Variants in PLCB1 observed in about 807,000 individuals in gnomAD.
PLCB1 encodes phospholipase C beta 1, also known as 1-phosphatidylinositol 4,5-bisphosphate phosphodiesterase beta-1.
Under a neutral mutation model 161.8 loss-of-function variants are expected in PLCB1, and 46 were observed. The ratio of observed to expected loss-of-function variants is 0.28; its 90% CI spans 0.22 to 0.36. The LOEUF (loss-of-function observed/expected upper bound fraction) is 0.36. Among genes scored for constraint, PLCB1 ranks in the 10% least tolerant of loss-of-function variants. PLCB1 has a pLI of 1.00. For synonymous variants in PLCB1, 517 were observed against 503.7 expected, an observed-to-expected ratio of 1.03 and a Z score of -0.35; for missense variants, 1,016 against 1,472.5, an observed-to-expected ratio of 0.69 and a Z score of 5.07.
At chr20:8,167,099 G>A (rs564448398) in intron 2 of PLCB1, among the ~76,000 whole-genome samples, 2 of 152,184 alleles carry the variant, frequency 1.3e-5, no homozygotes, top group East Asian at 3.9e-4. Flanking sequence ...GTCTGATTTC[G>A]AGATATGGAT....
At chr20:8,632,035 C>CTTTTTTTTTTTTTTTTTTTTTTTTT (rs34028351) in intron 4 of PLCB1, among the ~76,000 whole-genome samples, 2 of 45,986 alleles carry the variant, frequency 4.3e-5, no homozygotes, top group Non-Finnish European at 7.4e-5. Context: ...GTTTTTTTTG[C>CTTTTTTTTTTTTTTTTTTTTTTTTT]TTTTTTTTTT....
chr20:8,881,826 A>T lies in PLCB1; in HGVS notation c.3628A>T (p.Lys1210Ter). 6.2e-7 allele frequency: 1 copy of T among 1,613,434 alleles called. No homozygotes were observed. Residue 1210 changes from lysine to a stop codon, truncating the protein, a stop_gained, in exon 32 of 32, where the codon AAA becomes TAA. Transcript: ENST00000338037. LOFTEE classifies it high-confidence loss of function. ...GGAGCTGGGAGGAGACATCCCAGGAAAAGAATTTGATACTCCTCTGTGAAT... is the reference window on the plus strand; with the variant it reads ...GGAGCTGGGAGGAGACATCCCAGGATAAGAATTTGATACTCCTCTGTGAAT... Reference protein sequence around the residue: ...SEELGGDIPGKEFDTPL With the variant: ...SEELGGDIPG
intron 3 of PLCB1, among the ~76,000 whole-genome samples, chr20:8,616,941 A>G (rs1988054949): frequency 6.6e-6 from 1 of 152,208 alleles, no homozygotes; most frequent in Non-Finnish European, 1.5e-5. Flanking sequence ...ATTCTTGGGG[A>G]ATACTCAGAG....
In PLCB1 at chr20:8,503,646, G is replaced by A. The variant is rs938748246; in HGVS notation, c.247-124648G>A. On this transcript the variant is annotated intron_variant, in intron 3 of 31. Coordinates refer to ENST00000338037, the MANE Select transcript of PLCB1 (RefSeq NM_015192.4). ...GTGATATATTTGTATTTCTTGTACAGTCTTCTACAAATCTCTGAAATTAGA... is the reference window on the plus strand; with the variant it reads ...GTGATATATTTGTATTTCTTGTACAATCTTCTACAAATCTCTGAAATTAGA... Among the ~76,000 whole-genome samples, 13 of 152,142 alleles carry A rather than the reference G, an allele frequency of 8.5e-5. 1 individual carries two copies. The South Asian group carries it at 1.9e-3, about 22-fold the overall frequency.
chr20:8,639,455 C>T (rs896827638), intron 4 of PLCB1, among the ~76,000 whole-genome samples: 1 of 152,184 alleles, frequency 6.6e-6, no homozygotes, highest in African/African-American at 2.4e-5. Flanking sequence ...CTATGATTCT[C>T]GTGGCCTTTT....
intron 9 of PLCB1, among the ~76,000 whole-genome samples, chr20:8,672,970 A>G (rs1288585225): frequency 6.6e-6 from 1 of 151,910 alleles, no homozygotes; most frequent in Non-Finnish European, 1.5e-5. Flanking sequence ...AAATTAGCCT[A>G]GCATGGTGAT....
intron 29 of PLCB1, 128 bp downstream of exon 29, chr20:8,788,850 A>G: frequency 1.6e-6 from 1 of 640,874 alleles, no homozygotes. Flanking sequence ...CAGCCTTTCA[A>G]AAGATTCTTT....
At position 8,646,152 on chromosome 20, in the gene PLCB1, C is replaced by T. The variant is rs753999572; in HGVS notation, c.435C>T (p.Asn145=). The change falls in exon 5 of 32, where the codon AAC becomes AAT. Residue 145 remains asparagine, a synonymous_variant. Coordinates refer to ENST00000338037, the MANE Select transcript of PLCB1 (RefSeq NM_015192.4). ...TGGCAACAAACCTGCTGGCCCAAAA[C>T]ATGTCCAGGGATGCATTTCTGGAAA... The part of the protein sequence containing the change: ...FSLATNLLAQ[N]MSRDAFLEKA... 1.2e-6 allele frequency: 2 copies of T among 1,613,360 alleles called. No individual in the cohort carries two copies. Among genetic ancestry groups the T allele is most frequent in the Admixed American group, 3.3e-5 (2 of 60,028 alleles).
At chr20:8,392,703 G>A (rs1987645329) in intron 3 of PLCB1, among the ~76,000 whole-genome samples, 1 of 152,194 alleles carries the variant, frequency 6.6e-6, no homozygotes, top group Non-Finnish European at 1.5e-5. Flanking sequence ...GTTGGGTAGA[G>A]TGGAAGGAAC....
At chr20:8,267,071 C>T (rs1406144993) in intron 2 of PLCB1, among the ~76,000 whole-genome samples, 1 of 151,618 alleles carries the variant, frequency 6.6e-6, no homozygotes, top group Non-Finnish European at 1.5e-5. Flanking sequence ...AGAATGGGTA[C>T]ATCTGGGATG....
At chr20:8,564,714 A>C (rs1986263773) in intron 3 of PLCB1, among the ~76,000 whole-genome samples, 1 of 152,182 alleles carries the variant, frequency 6.6e-6, no homozygotes. Context: ...ACATTTATGC[A>C]GCCAACATAC....
At chr20:8,526,036 G>A (rs1398924987) in intron 3 of PLCB1, among the ~76,000 whole-genome samples, 8 of 152,044 alleles carry the variant, frequency 5.3e-5, no homozygotes, top group African/African-American at 1.7e-4. Flanking sequence ...AACCAGGATA[G>A]GGCATATGAG....
intron 2 of PLCB1, among the ~76,000 whole-genome samples, chr20:8,283,440 A>G (rs1982971355): frequency 6.6e-6 from 1 of 151,764 alleles, no homozygotes; most frequent in South Asian, 2.1e-4. Flanking sequence ...AAAAAGAATT[A>G]TACTATATAT....
chr20:8,201,917 G>A (rs2052095115), intron 2 of PLCB1, among the ~76,000 whole-genome samples: 1 of 152,166 alleles, frequency 6.6e-6, no homozygotes, highest in Non-Finnish European at 1.5e-5. Context: ...TAGAGTTATT[G>A]CCTGTGTTGG....
intron 15 of PLCB1, among the ~76,000 whole-genome samples, chr20:8,723,787 T>C (rs1979776526): frequency 1.3e-5 from 2 of 152,106 alleles, no homozygotes; most frequent in Admixed American, 6.6e-5. Context: ...AGGCTGGCTC[T>C]AGAACGCGAG....
intron 3 of PLCB1, among the ~76,000 whole-genome samples, chr20:8,386,369 T>TACAGCTGC (rs1987426666): frequency 6.6e-6 from 1 of 152,212 alleles, no homozygotes; most frequent in East Asian, 1.9e-4. Flanking sequence ...AATCTCCTTG[T>TACAGCTGC]ATATCACCAT....
At chr20:8,786,021 A>C (rs1186640344) in intron 27 of PLCB1, among the ~76,000 whole-genome samples, 1 of 151,946 alleles carries the variant, frequency 6.6e-6, no homozygotes, top group Non-Finnish European at 1.5e-5. Context: ...AGATTTTGAG[A>C]ATATTGATTC....
At chr20:8,343,998 A>G (rs1323019780) in intron 2 of PLCB1, among the ~76,000 whole-genome samples, 1 of 152,170 alleles carries the variant, frequency 6.6e-6, no homozygotes, top group African/African-American at 2.4e-5. Context: ...GAAAGTGGCT[A>G]GTGTCCAGCC....
chr20:8,513,569 T>G, intron 3 of PLCB1, among the ~76,000 whole-genome samples: 1 of 152,160 alleles, frequency 6.6e-6, no homozygotes, highest in East Asian at 1.9e-4. Context: ...GAGAGAAACA[T>G]CCCCATTGAA....
Sources: allele counts gnomAD v4.1 joint callset (sites outside exome capture counted in the v4.1 genomes callset), GRCh38; gene constraint gnomAD v4.1.1; transcripts MANE v1.5; gene names NCBI Gene and HGNC (gene_info 2026-07-23, HGNC 2026-07-21).